The following STK24 variants were observed in gnomAD, a reference collection of about 807,000 sequenced individuals.
The protein encoded by STK24 is serine/threonine kinase 24.
In STK24, 21 loss-of-function variants were observed where a neutral mutation model predicts 55.6. The ratio of observed to expected loss-of-function variants is 0.38; its 90% confidence interval spans 0.27 to 0.54. STK24 has a LOEUF of 0.54. Ranked by LOEUF, STK24 falls within the 20% of genes least tolerant of loss-of-function variation. STK24 has a pLI of 0.79. For synonymous variants in STK24, 200 were observed against 215.2 expected, an observed-to-expected ratio of 0.93 and a Z score of 0.62; for missense variants, 383 against 538.4, an observed-to-expected ratio of 0.71 and a Z score of 2.86.
At chr13:98,468,526 A>C in intron 5 of STK24, among the ~76,000 whole-genome samples, 1 of 152,192 alleles carries the variant, frequency 6.6e-6, no homozygotes, top group East Asian at 1.9e-4. Flanking sequence ...AGGACCGAGG[A>C]GGGGAGAGGC....
chr13:98,568,005 T>TC (rs1483952882), intron 1 of STK24, among the ~76,000 whole-genome samples: 2 of 94,536 alleles, frequency 2.1e-5, no homozygotes. Flanking sequence ...ACAGAGAACT[T>TC]TTTTTTTTTT....
intron 1 of STK24, chr13:98,521,887 C>A (rs1304947296): frequency 1.1e-6 from 1 of 879,298 alleles, no homozygotes; most frequent in East Asian, 2.4e-5. Flanking sequence ...TCGTCAGTAA[C>A]CCCCTTCTCG....
chr13:98,448,162 G>GT lies in STK24; in HGVS notation c.*5010dup. On this transcript the variant is annotated 3_prime_UTR_variant, in exon 11 of 11. Coordinates refer to ENST00000539966, the MANE Select transcript of STK24 (RefSeq NM_001032296.4). ...CGGCCTGACTTCACCTTGTGTTTCT[G>GT]TAAGCGATGCCCACCAAAGTGTCAG... 1 of 1,294,862 alleles carries GT rather than the reference G, an allele frequency of 7.7e-7. No homozygotes were observed. The highest frequency in any genetic ancestry group is 1.1e-6 in the Non-Finnish European group (1 of 891,486). The allele number at this position is 1,294,862 out of a possible 1,614,324, so 80.2% of individuals were successfully genotyped here. A position where few individuals can be genotyped will look rare whatever the true frequency, so the allele number is the denominator to read the frequency against.
chr13:98,461,580 C>T (rs1893704733), intron 8 of STK24, among the ~76,000 whole-genome samples, 194 bp downstream of exon 8: 1 of 152,188 alleles, frequency 6.6e-6, no homozygotes, highest in Non-Finnish European at 1.5e-5. Flanking sequence ...GACCAGAGGC[C>T]AGACTCCCTG....
chr13:98,474,089 T>C (rs1188790254), intron 5 of STK24, among the ~76,000 whole-genome samples: 1 of 152,196 alleles, frequency 6.6e-6, no homozygotes, highest in Non-Finnish European at 1.5e-5. Flanking sequence ...CTGTGCGAAC[T>C]GAAGTTAAAC....
chr13:98,453,630 A>G (rs986285783), intron 10 of STK24: 1 of 161,866 alleles, frequency 6.2e-6, no homozygotes, highest in African/African-American at 2.4e-5. Flanking sequence ...CCAAGAATCT[A>G]TTTCCTAGAA....
chr13:98,535,358 AAAC>A (rs1436801486), intron 1 of STK24, among the ~76,000 whole-genome samples: 72 of 29,930 alleles, frequency 2.4e-3, no homozygotes, highest in Admixed American at 0.011. Flanking sequence ...ACAAACAAAC[AAAC>A]AAAAAAAAAA....
intron 1 of STK24, among the ~76,000 whole-genome samples, chr13:98,536,993 T>C (rs1401549458): frequency 2.0e-5 from 3 of 152,018 alleles, no homozygotes; most frequent in African/African-American, 7.2e-5. Context: ...CCGGCTCATC[T>C]CCTTACCTCC....
chr13:98,520,997 C>A (rs1457764647), intron 1 of STK24, among the ~76,000 whole-genome samples: 2 of 152,204 alleles, frequency 1.3e-5, no homozygotes, highest in African/African-American at 4.8e-5. Flanking sequence ...TGGACATATA[C>A]CCAACGGGAA....
At position 98,445,459 on chromosome 13, in the gene STK24, T is replaced by TGGGCCGGCCCTG. The variant is rs1350572791; in HGVS notation, c.*7702_*7713dup. On this transcript the variant is annotated 3_prime_UTR_variant, in exon 11 of 11. Coordinates refer to ENST00000539966, the MANE Select transcript of STK24 (RefSeq NM_001032296.4). Reference sequence around the variant, plus strand: ...CGCATCCTAACAATGCTCCAGGGGCTGGGCCGGCCCTGAGCCTGGAGGTGG... The same window carrying TGGGCCGGCCCTG: ...CGCATCCTAACAATGCTCCAGGGGCTGGGCCGGCCCTGGGGCCGGCCCTGAGCCTGGAGGTGG... 2.0e-5 allele frequency: 3 copies of TGGGCCGGCCCTG among 152,312 alleles called. No homozygotes were observed. In the East Asian group the frequency reaches 5.8e-4, roughly 29 times the overall value. The allele number at this position is 152,312 out of a possible 1,614,324, so 9.4% of individuals were successfully genotyped here. A position where few individuals can be genotyped will look rare whatever the true frequency, so the allele number is the denominator to read the frequency against.
At chr13:98,540,763 C>CAA (rs35957882) in intron 1 of STK24, among the ~76,000 whole-genome samples, 3,722 of 58,848 alleles carry the variant, frequency 0.063, 181 homozygotes, top group Middle Eastern at 0.12. Flanking sequence ...ATATTAAAAG[C>CAA]AAAAAAAAAA....
intron 1 of STK24, among the ~76,000 whole-genome samples, chr13:98,571,142 G>A (rs1302994011): frequency 6.6e-6 from 1 of 152,178 alleles, no homozygotes; most frequent in Non-Finnish European, 1.5e-5. Context: ...CTGGACTGCG[G>A]CTTTAGAGTG....
At chr13:98,551,315 CG>C (rs1374158172) in intron 1 of STK24, among the ~76,000 whole-genome samples, 1 of 151,614 alleles carries the variant, frequency 6.6e-6, no homozygotes, top group Non-Finnish European at 1.5e-5. Flanking sequence ...GACTTATCTA[CG>C]TTTCCCATTT....
Position 98,507,278 on chromosome 13 carries a change from C to T in STK24, c.273+11965G>A, listed in dbSNP as rs76137913. Among the ~76,000 whole-genome samples the T allele has an allele frequency of 7.2e-3, 1,097 of 152,332 alleles. 12 individuals carry two copies. Among genetic ancestry groups the T allele is most frequent in the African/African-American group, 0.025 (1,031 of 41,570 alleles). On this transcript the variant is annotated intron_variant, in intron 2 of 10. Transcript: ENST00000539966. The stretch of plus-strand genomic sequence containing the variant: ...CAACCGTCAGGTGCAGGGAAGCTAA[C>T]GGTAGACCAGGAATGAGGAAACTCT...
Position 98,448,161 on chromosome 13 carries a change from T to A in STK24, c.*5012A>T, listed in dbSNP as rs1261927126. Reference sequence around the variant, plus strand: ...GCGGCCTGACTTCACCTTGTGTTTCTGTAAGCGATGCCCACCAAAGTGTCA... The same window carrying A: ...GCGGCCTGACTTCACCTTGTGTTTCAGTAAGCGATGCCCACCAAAGTGTCA... On this transcript the variant is annotated 3_prime_UTR_variant, in exon 11 of 11. Transcript: ENST00000539966. The A allele has an allele frequency of 3.9e-4, 503 of 1,280,372 alleles. 1 individual carries two copies. In the African/African-American group the frequency reaches 4.7e-3, roughly 12 times the overall value. 79.3% of individuals were successfully genotyped at this position (1,280,372 alleles called of 1,614,324 possible).
chr13:98,474,236 G>A (rs977315258), intron 5 of STK24, among the ~76,000 whole-genome samples: 8 of 152,166 alleles, frequency 5.3e-5, no homozygotes, highest in African/African-American at 1.9e-4. Context: ...AAAACAGTGG[G>A]AAGAAAGGGT....
At chr13:98,542,463 A>C (rs1896916312) in intron 1 of STK24, among the ~76,000 whole-genome samples, 8 of 152,184 alleles carry the variant, frequency 5.3e-5, no homozygotes. Context: ...GATGGTAACC[A>C]GAACAGGGCC....
Position 98,453,106 on chromosome 13 carries a change from CTT to C in STK24, c.*65_*66del. On this transcript the variant is annotated 3_prime_UTR_variant, in exon 11 of 11. Coordinates refer to ENST00000539966, the MANE Select transcript of STK24 (RefSeq NM_001032296.4). The stretch of plus-strand genomic sequence containing the variant: ...TGGAGTCAGCGAAGGCTCTCGTTGA[CTT>C]TTAAAAAAGGAGGAGGATGAAGAAG... The C allele has an allele frequency of 6.3e-7, 1 of 1,593,588 alleles. No homozygotes were observed.
At chr13:98,564,760 T>C (rs573712585) in intron 1 of STK24, among the ~76,000 whole-genome samples, 1 of 152,050 alleles carries the variant, frequency 6.6e-6, no homozygotes, top group South Asian at 2.1e-4. Flanking sequence ...AGGTTCCAAG[T>C]GGCACGCAGT....
Sources: allele counts gnomAD v4.1 joint callset (sites outside exome capture counted in the v4.1 genomes callset), GRCh38; gene constraint gnomAD v4.1.1; transcripts MANE v1.5; gene names NCBI Gene and HGNC (gene_info 2026-07-23, HGNC 2026-07-21).